The following PLCL1 variants were observed in gnomAD, a reference collection of about 807,000 sequenced individuals.
PLCL1 encodes inactive phospholipase C-like protein 1.
Under a neutral mutation model 84.4 loss-of-function variants are expected in PLCL1, and 41 were observed. The observed-to-expected ratio is 0.49, with a 90% CI of 0.38 to 0.63. The LOEUF (loss-of-function observed/expected upper bound fraction) is 0.63. Among genes scored for constraint, PLCL1 ranks in the 30% least tolerant of loss-of-function variants. PLCL1 has a pLI of 0.00. For synonymous variants in PLCL1, 490 were observed against 488.3 expected, an observed-to-expected ratio of 1.00 and a Z score of -0.05; for missense variants, 1,206 against 1,367.8, an observed-to-expected ratio of 0.88 and a Z score of 1.87.
chr2:197,872,724 A>AT (rs1411063906), intron 1 of PLCL1, among the ~76,000 whole-genome samples: 10 of 152,138 alleles, frequency 6.6e-5, no homozygotes, highest in Non-Finnish European at 7.4e-5. Context: ...TCAATTAGCT[A>AT]TTTTTGTGAT....
chr2:197,921,433 T>C (rs1280695777), intron 1 of PLCL1, among the ~76,000 whole-genome samples: 1 of 152,194 alleles, frequency 6.6e-6, no homozygotes, highest in Non-Finnish European at 1.5e-5. Flanking sequence ...GTGGTAAGAA[T>C]GTATGCCTTG....
chr2:198,004,609 G>A (rs1690683226), intron 1 of PLCL1, among the ~76,000 whole-genome samples: 1 of 152,146 alleles, frequency 6.6e-6, no homozygotes, highest in Admixed American at 6.5e-5. Context: ...TGTTTATAAA[G>A]TCTAGGGTGG....
At chr2:198,026,246 T>G (rs1691262051) in intron 1 of PLCL1, among the ~76,000 whole-genome samples, 1 of 152,230 alleles carries the variant, frequency 6.6e-6, no homozygotes. Context: ...ATTGCAAGAT[T>G]TCTTAGAGCT....
At chr2:198,096,007 CA>C in intron 3 of PLCL1, among the ~76,000 whole-genome samples, 1 of 152,118 alleles carries the variant, frequency 6.6e-6, no homozygotes, top group East Asian at 1.9e-4. Context: ...TTTGATATGC[CA>C]TTTTGTATAT....
intron 1 of PLCL1, among the ~76,000 whole-genome samples, chr2:197,919,151 T>A (rs960277246): frequency 6.6e-6 from 1 of 152,078 alleles, no homozygotes; most frequent in Non-Finnish European, 1.5e-5. Flanking sequence ...GAAATGAACA[T>A]GCAAATGGAG....
At chr2:197,832,577 A>G (rs1470701505) in intron 1 of PLCL1, among the ~76,000 whole-genome samples, 3 of 152,196 alleles carry the variant, frequency 2.0e-5, no homozygotes, top group African/African-American at 7.2e-5. Context: ...AGAGATACAA[A>G]GAGGAGTTGG....
chr2:198,136,884 A>G (rs1254759754), intron 5 of PLCL1, among the ~76,000 whole-genome samples: 3 of 152,086 alleles, frequency 2.0e-5, no homozygotes, highest in Non-Finnish European at 2.9e-5. Flanking sequence ...TTGCTTTTGT[A>G]TTTCAGTTTT....
At chr2:197,971,014 G>A (rs1689852671) in intron 1 of PLCL1, among the ~76,000 whole-genome samples, 1 of 152,154 alleles carries the variant, frequency 6.6e-6, no homozygotes, top group African/African-American at 2.4e-5. Flanking sequence ...GAAGGCTGGG[G>A]TTATGCCCAT....
intron 1 of PLCL1, among the ~76,000 whole-genome samples, chr2:197,908,404 G>T (rs570161145): frequency 6.6e-6 from 1 of 152,140 alleles, no homozygotes; most frequent in Non-Finnish European, 1.5e-5. Context: ...TAGTTTGAAG[G>T]TTCTTCCTTA....
chr2:198,134,996 C>T (rs1252452995), intron 5 of PLCL1, among the ~76,000 whole-genome samples: 2 of 152,152 alleles, frequency 1.3e-5, no homozygotes, highest in South Asian at 2.1e-4. Flanking sequence ...TAGAGTGAAA[C>T]CTTACCAACC....
intron 1 of PLCL1, among the ~76,000 whole-genome samples, chr2:198,012,916 T>G (rs1388881495): frequency 2.0e-5 from 3 of 152,078 alleles, no homozygotes; most frequent in African/African-American, 7.2e-5. Flanking sequence ...CTTAAAATTA[T>G]GACACTGTAT....
At chr2:197,969,396 T>C (rs1430377955) in intron 1 of PLCL1, among the ~76,000 whole-genome samples, 1 of 152,204 alleles carries the variant, frequency 6.6e-6, no homozygotes, top group Non-Finnish European at 1.5e-5. Flanking sequence ...GTTAATTAGG[T>C]GGAGTGATCC....
Position 198,096,320 on chromosome 2 carries a change from G to A in PLCL1, c.2920-4965G>A, listed in dbSNP as rs1039973938. On this transcript the variant is annotated intron_variant, in intron 3 of 5. Transcript: ENST00000428675. Reference sequence around the variant, plus strand: ...CTTCTTCTACCACCTCTGCCACCTGGTACTCAGCAGAATTTTATTTCCAAA... The same window carrying A: ...CTTCTTCTACCACCTCTGCCACCTGATACTCAGCAGAATTTTATTTCCAAA... Among the ~76,000 whole-genome samples the A allele has an allele frequency of 9.9e-5, 15 of 152,054 alleles. No homozygotes were observed. The East Asian group carries it at 2.3e-3, about 23-fold the overall frequency.
chr2:197,840,796 A>G (rs1336278972), intron 1 of PLCL1, among the ~76,000 whole-genome samples: 1 of 152,130 alleles, frequency 6.6e-6, no homozygotes, highest in East Asian at 1.9e-4. Context: ...CTTCCTTTAT[A>G]GTCCCCTTTG....
chr2:197,818,239 G>C (rs898765753), intron 1 of PLCL1, among the ~76,000 whole-genome samples: 7 of 152,094 alleles, frequency 4.6e-5, no homozygotes, highest in African/African-American at 1.4e-4. Context: ...GCTGGAATTA[G>C]CCACCACTCC....
intron 1 of PLCL1, among the ~76,000 whole-genome samples, chr2:198,075,084 G>A (rs1692547018): frequency 6.6e-6 from 1 of 152,156 alleles, no homozygotes; most frequent in Non-Finnish European, 1.5e-5. Context: ...ATGACATCCT[G>A]TTTTCCATCA....
At chr2:197,882,757 A>G (rs989250872) in intron 1 of PLCL1, among the ~76,000 whole-genome samples, 3 of 152,236 alleles carry the variant, frequency 2.0e-5, no homozygotes, top group Admixed American at 6.5e-5. Flanking sequence ...CATTATGTAC[A>G]GTAAATATAA....
intron 1 of PLCL1, among the ~76,000 whole-genome samples, chr2:197,809,074 A>C (rs1690534560): frequency 6.6e-6 from 1 of 152,108 alleles, no homozygotes; most frequent in African/African-American, 2.4e-5. Context: ...TGGATTTTTG[A>C]ACTGAAGCCT....
chr2:197,906,205 C>T (rs1392184475), intron 1 of PLCL1, among the ~76,000 whole-genome samples: 4 of 152,066 alleles, frequency 2.6e-5, no homozygotes, highest in Admixed American at 6.5e-5. Flanking sequence ...TCAGGTCTTA[C>T]GTTTAAGTCT....
Sources: gnomAD v4.1 joint callset for allele counts (sites outside exome capture counted in the v4.1 genomes callset) on GRCh38, gnomAD v4.1.1 for gene constraint, MANE v1.5 for transcripts, NCBI Gene and HGNC (gene_info 2026-07-23, HGNC 2026-07-21) for gene names.